The following XPO7 variants were observed in gnomAD, a reference collection of about 807,000 sequenced individuals.
XPO7 encodes exportin-7.
Under a neutral mutation model 144.3 loss-of-function variants are expected in XPO7, and 21 were observed. The ratio of observed to expected loss-of-function variants is 0.15; its 90% CI spans 0.10 to 0.21. The LOEUF is 0.21. XPO7 is among the 10% of genes least tolerant of loss of function. XPO7 has a pLI of 1.00. For missense variants in XPO7, 808 were observed against 1,325.8 expected, an observed-to-expected ratio of 0.61 and a Z score of 6.06; for synonymous variants, 580 against 499.6, an observed-to-expected ratio of 1.16 and a Z score of -2.15.
At chr8:21,921,033 A>T (rs1335774343) in intron 1 of XPO7, among the ~76,000 whole-genome samples, 3 of 152,220 alleles carry the variant, frequency 2.0e-5, no homozygotes, top group African/African-American at 7.2e-5. Flanking sequence ...TTGTCAGGAC[A>T]GAATTATAGC....
At chr8:21,987,917 T>G in intron 15 of XPO7, 60 bp downstream of exon 15, 2 of 1,556,322 alleles carry the variant, frequency 1.3e-6, no homozygotes, top group Non-Finnish European at 1.8e-6. Flanking sequence ...AACTGTAAAA[T>G]GTGATCTTGG....
intron 16 of XPO7, 91 bp from the exon 17 acceptor site, chr8:21,990,253 G>A: frequency 1.6e-6 from 2 of 1,273,848 alleles, no homozygotes; most frequent in Non-Finnish European, 2.3e-6. Context: ...AAGATATTTG[G>A]GTGAACTGTC....
chr8:21,986,166 C>T (rs1812572677), intron 13 of XPO7, among the ~76,000 whole-genome samples: 1 of 135,054 alleles, frequency 7.4e-6, no homozygotes, highest in Admixed American at 8.1e-5. Context: ...GAGATGGAGT[C>T]TCGCTCTGTC....
chr8:21,964,636 G>A (rs762551379), intron 1 of XPO7, among the ~76,000 whole-genome samples: 2 of 151,692 alleles, frequency 1.3e-5, no homozygotes, highest in Admixed American at 6.6e-5. Flanking sequence ...TGGAGCTGTC[G>A]TTCTTCAAAG....
intron 16 of XPO7, among the ~76,000 whole-genome samples, 185 bp from the exon 17 acceptor site, chr8:21,990,159 T>C (rs1340881537): frequency 6.6e-6 from 1 of 152,088 alleles, no homozygotes; most frequent in Non-Finnish European, 1.5e-5. Flanking sequence ...AGTATAGGTG[T>C]TTTCTTACTG....
At chr8:21,958,402 A>G (rs1367037659) in intron 1 of XPO7, among the ~76,000 whole-genome samples, 1 of 152,230 alleles carries the variant, frequency 6.6e-6, no homozygotes, top group Non-Finnish European at 1.5e-5. Context: ...TTTAAACCAT[A>G]TTGTTGATTT....
chr8:21,962,009 A>G (rs1038505723), intron 1 of XPO7, among the ~76,000 whole-genome samples: 2 of 152,178 alleles, frequency 1.3e-5, no homozygotes, highest in African/African-American at 2.4e-5. Flanking sequence ...TTGAATTTAC[A>G]TTCCCTGATG....
chr8:21,968,673 A>G (rs1811960275), intron 2 of XPO7, among the ~76,000 whole-genome samples: 1 of 152,214 alleles, frequency 6.6e-6, no homozygotes, highest in Non-Finnish European at 1.5e-5. Flanking sequence ...CTGAGGGACT[A>G]CCATCTTAAG....
Position 21,999,670 on chromosome 8 carries a change from A to G in XPO7, c.2778A>G (p.Ala926=). 1 of 1,614,004 alleles carries G rather than the reference A, an allele frequency of 6.2e-7. No homozygotes were observed. Among genetic ancestry groups the G allele is most frequent in the Non-Finnish European group, 8.5e-7 (1 of 1,179,896 alleles). Residue 926 remains alanine (A), a synonymous_variant, in exon 24 of 28, where the codon GCA becomes GCG. Transcript: ENST00000252512. Reference sequence around the variant, plus strand: ...CTTCCATTTCTGAAGGACTTACTGCACTTGGTAAGCACCTGAGGTGGGTGG... The same window carrying G: ...CTTCCATTTCTGAAGGACTTACTGCGCTTGGTAAGCACCTGAGGTGGGTGG... ...ILSSISEGLT[A]LDTMVCTGCC... is the part of the protein sequence containing the mutation.
At chr8:21,995,254 T>C (rs1812908215) in intron 20 of XPO7, among the ~76,000 whole-genome samples, 1 of 152,120 alleles carries the variant, frequency 6.6e-6, no homozygotes, top group Non-Finnish European at 1.5e-5. Flanking sequence ...TACATCATGC[T>C]CTTCAGAAGA....
intron 4 of XPO7, among the ~76,000 whole-genome samples, chr8:21,971,552 T>C (rs529278836): frequency 1.3e-5 from 2 of 152,346 alleles, no homozygotes; most frequent in South Asian, 4.1e-4. Context: ...CTTTATAAAA[T>C]GTGTTGTTTA....
At position 21,987,841 on chromosome 8, in the gene XPO7, G is replaced by A. The variant is rs748704009; in HGVS notation, c.1771G>A (p.Val591Ile). 15 of 1,613,662 alleles carry A rather than the reference G, an allele frequency of 9.3e-6. No individual in the cohort carries two copies. The highest frequency in any genetic ancestry group is 5.5e-5 in the South Asian group (5 of 91,054). ...GLNDETMVLS[V>I]FIGKIITNLK... The stretch of plus-strand genomic sequence containing the variant: ...GAATGATGAGACCATGGTCCTAAGC[G>A]TCTTCATAGGAAAAATGTAAGTGTT... Residue 591 changes from valine (V) to isoleucine (I), a missense_variant, in exon 15 of 28, where the codon GTC becomes ATC. Physicochemically the swap from Val to Ile is conservative, Grantham distance 29. Around this residue, in one of 5 missense-constraint regions of XPO7, gnomAD observed 416 missense variants for 612.5 expected, o/e 0.68. Coordinates refer to ENST00000252512, the MANE Select transcript of XPO7 (RefSeq NM_015024.5).
At chr8:21,934,589 A>G (rs1206535198) in intron 1 of XPO7, among the ~76,000 whole-genome samples, 1 of 152,146 alleles carries the variant, frequency 6.6e-6, no homozygotes, top group East Asian at 1.9e-4. Flanking sequence ...TTTTGGGGTG[A>G]CAGTATTCAC....
At chr8:21,946,865 A>G (rs762653756) in intron 1 of XPO7, among the ~76,000 whole-genome samples, 1 of 152,220 alleles carries the variant, frequency 6.6e-6, no homozygotes, top group Admixed American at 6.5e-5. Flanking sequence ...ACAGACTGGC[A>G]GATAAAGACA....
chr8:21,934,040 G>C (rs1009448811), intron 1 of XPO7, among the ~76,000 whole-genome samples: 1 of 152,098 alleles, frequency 6.6e-6, no homozygotes, highest in African/African-American at 2.4e-5. Context: ...GTTTTTTTCA[G>C]TTGTACATTG....
At chr8:21,955,800 C>T (rs1183540763) in intron 1 of XPO7, among the ~76,000 whole-genome samples, 2 of 141,182 alleles carry the variant, frequency 1.4e-5, no homozygotes, top group African/African-American at 5.6e-5. Flanking sequence ...ATAATCTCGG[C>T]TCACTGCAAC....
chr8:21,974,883 C>A, intron 6 of XPO7, 109 bp downstream of exon 6: 1 of 869,328 alleles, frequency 1.2e-6, no homozygotes, highest in Non-Finnish European at 1.7e-6. Context: ...GTTTATGCAT[C>A]TGTTTAATCA....
At chr8:21,949,635 T>A (rs1020326547) in intron 1 of XPO7, among the ~76,000 whole-genome samples, 1 of 152,220 alleles carries the variant, frequency 6.6e-6, no homozygotes, top group African/African-American at 2.4e-5. Flanking sequence ...TTCATGACTT[T>A]CTTTCCCCCA....
intron 1 of XPO7, among the ~76,000 whole-genome samples, chr8:21,928,886 C>G (rs1247329903): frequency 1.3e-5 from 2 of 152,082 alleles, no homozygotes; most frequent in African/African-American, 4.8e-5. Context: ...ATTTTTGTAC[C>G]ACAGTGGCAG....
Sources: gnomAD v4.1 joint callset for allele counts (sites outside exome capture counted in the v4.1 genomes callset) on GRCh38, gnomAD v4.1.1 for gene constraint, gnomAD v4.1.1 regional missense constraint, MANE v1.5 for transcripts, NCBI Gene and HGNC (gene_info 2026-07-23, HGNC 2026-07-21) for gene names.